The following PNPLA3 variants were observed in gnomAD, a reference collection of about 807,000 sequenced individuals.
The protein encoded by PNPLA3 is patatin like domain 3, 1-acylglycerol-3-phosphate O-acyltransferase.
PNPLA3 carries 42 observed loss-of-function variants against 43.1 expected under a neutral mutation model. The observed-to-expected ratio is 0.97, with a 90% CI of 0.76 to 1.26. PNPLA3 has a LOEUF of 1.26. Among genes scored for constraint, PNPLA3 ranks in the 50% most tolerant of loss-of-function variants. The probability of loss-of-function intolerance (pLI) is 0.00; values close to 1 mark genes in which losing one functional copy is unlikely to be tolerated. For missense variants in PNPLA3, 647 were observed against 621.4 expected, an observed-to-expected ratio of 1.04 and a Z score of -0.44; for synonymous variants, 272 against 253.6, an observed-to-expected ratio of 1.07 and a Z score of -0.69.
rs755454679 is a variant in PNPLA3, at chr22:43,923,986, G to A, written c.75G>A (p.Ala25=). Residue 25 remains alanine, a synonymous_variant, in exon 1 of 9, where the codon GCG becomes GCA. Transcript: ENST00000216180. ...TCCTGGGCTTCTACCACGTCGGGGC[G>A]ACCCGCTGCCTGAGCGAGCACGCCC... ...CGFLGFYHVG[A]TRCLSEHAPH... 7 of 1,584,828 alleles carry A rather than the reference G, an allele frequency of 4.4e-6. No individual in the cohort carries two copies. In the South Asian group the frequency reaches 4.5e-5, roughly 10 times the overall value.
chr22:43,946,487 G>T lies in PNPLA3; in HGVS notation c.*105G>T, dbSNP rs539980744. The T allele has an allele frequency of 3.5e-6, 4 of 1,133,240 alleles. No individual in the cohort carries two copies. The highest frequency in any genetic ancestry group is 3.9e-6 in the Non-Finnish European group (3 of 760,624). The allele number at this position is 1,133,240 out of a possible 1,614,324, so 70.2% of individuals were successfully genotyped here. A position where few individuals can be genotyped will look rare whatever the true frequency, so the allele number is the denominator to read the frequency against. ...CTGTGTAGTGACCCCTGCCTGTGAC[G>T]TGGAGGATCCCAGCCTCTGAGCTGA... On this transcript the variant is annotated 3_prime_UTR_variant, in exon 9 of 9. Coordinates refer to ENST00000216180, the MANE Select transcript of PNPLA3 (RefSeq NM_025225.3).
At chr22:43,926,887 C>G in intron 1 of PNPLA3, 48 bp from the exon 2 acceptor site, 2 of 1,536,526 alleles carry the variant, frequency 1.3e-6, no homozygotes, top group Non-Finnish European at 1.8e-6. Flanking sequence ...AAAAGTATTA[C>G]CATCCCAGTG....
chr22:43,940,771 T>C (rs766637086), intron 7 of PNPLA3, among the ~76,000 whole-genome samples: 1 of 152,032 alleles, frequency 6.6e-6, no homozygotes, highest in Non-Finnish European at 1.5e-5. Flanking sequence ...ATTGTACCAC[T>C]GCACTCCAGC....
In PNPLA3 at chr22:43,928,955, G is replaced by A. The variant is rs1251252462; in HGVS notation, c.486+66G>A. 4.7e-6 allele frequency: 7 copies of A among 1,480,612 alleles called. No individual in the cohort carries two copies. The Admixed American group carries it at 1.0e-4, about 21-fold the overall frequency. The allele number at this position is 1,480,612 out of a possible 1,614,324, so 91.7% of individuals were successfully genotyped here. On this transcript the variant is annotated intron_variant, in intron 3 of 8. Coordinates refer to ENST00000216180, the MANE Select transcript of PNPLA3 (RefSeq NM_025225.3). ...TCTGAAGTGTGCTCACACATCTCCT[G>A]CCTGCAGGGCACTGGTGTCGGGCAC...
chr22:43,936,113 G>A (rs1252037544), intron 5 of PNPLA3, among the ~76,000 whole-genome samples: 1 of 152,196 alleles, frequency 6.6e-6, no homozygotes, highest in African/African-American at 2.4e-5. Flanking sequence ...ATGTGCCCAT[G>A]GGTTGAGGGT....
intron 5 of PNPLA3, 67 bp from the exon 6 acceptor site, chr22:43,936,984 A>C (rs2049999366): frequency 1.5e-6 from 2 of 1,327,846 alleles, no homozygotes; most frequent in Non-Finnish European, 2.1e-6. Context: ...GCAGTTTGGT[A>C]GATGGGTGGG....
rs567409497 is a variant in PNPLA3, at chr22:43,939,429, G to A, written c.980-564G>A. 8 of 974,456 alleles carry A rather than the reference G, an allele frequency of 8.2e-6. No individual in the cohort carries two copies. In the Admixed American group the frequency reaches 4.9e-4, roughly 60 times the overall value. 60.4% of individuals were successfully genotyped at this position (974,456 alleles called of 1,614,324 possible). ...CAAACATATTTGTCAATTTAAAGGA[G>A]CTGGGAGTGGGGACCCTATGCTCCG... On this transcript the variant is annotated intron_variant, in intron 6 of 8. Transcript: ENST00000216180.
intron 3 of PNPLA3, among the ~76,000 whole-genome samples, chr22:43,931,990 C>G (rs1294934838): frequency 6.6e-6 from 1 of 152,202 alleles, no homozygotes; most frequent in African/African-American, 2.4e-5. Flanking sequence ...AGGCCAAACT[C>G]TGCTCTGAAA....
At chr22:43,939,848 C>A (rs2050019781) in intron 6 of PNPLA3, 145 bp from the exon 7 acceptor site, 23 of 1,138,896 alleles carry the variant, frequency 2.0e-5, no homozygotes, top group Non-Finnish European at 2.6e-5. Flanking sequence ...GCTTGGCAAA[C>A]CCCACCTTGT....
chr22:43,927,145 G>T lies in PNPLA3; in HGVS notation c.398G>T (p.Arg133Leu). ...GAAAACGTTCTGGTGTCTGACTTTCGGTCCAAAGACGAAGTCGTGGATGTA... is the reference window on the plus strand; with the variant it reads ...GAAAACGTTCTGGTGTCTGACTTTCTGTCCAAAGACGAAGTCGTGGATGTA... The part of the protein sequence containing the change: ...DGENVLVSDF[R>L]SKDEVVDALV... Residue 133 changes from arginine to leucine, a missense_variant, in exon 2 of 9, where the codon CGG becomes CTG. Transcript: ENST00000216180. The T allele has an allele frequency of 6.2e-7, 1 of 1,614,114 alleles. No individual in the cohort carries two copies. Among genetic ancestry groups the T allele is most frequent in the South Asian group, 1.1e-5 (1 of 91,066 alleles).
At position 43,940,147 on chromosome 22, in the gene PNPLA3, G is replaced by A. The variant is rs201680395; in HGVS notation, c.1112+22G>A. On this transcript the variant is annotated intron_variant, in intron 7 of 8. Coordinates refer to ENST00000216180, the MANE Select transcript of PNPLA3 (RefSeq NM_025225.3). ...AGAGGTGAGCATTTTAGGTGGCTCC[G>A]TGTCTTCCTCACAGGGTTGATATGA... is the stretch of plus-strand genomic sequence containing the variant. The A allele has an allele frequency of 1.1e-5, 17 of 1,609,124 alleles. No homozygotes were observed. The Admixed American group carries it at 1.7e-4, about 16-fold the overall frequency.
chr22:43,936,042 A>C (rs1179651106), intron 5 of PNPLA3, among the ~76,000 whole-genome samples: 1 of 152,138 alleles, frequency 6.6e-6, no homozygotes, highest in East Asian at 1.9e-4. Flanking sequence ...TGGGAAGAGG[A>C]AGACAGAAGA....
intron 4 of PNPLA3, 55 bp downstream of exon 4, chr22:43,933,142 C>T (rs1014098322): frequency 1.3e-6 from 2 of 1,508,126 alleles, no homozygotes; most frequent in Non-Finnish European, 1.8e-6. Context: ...CTTTGCCTCC[C>T]TGATTGCCAG....
intron 6 of PNPLA3, among the ~76,000 whole-genome samples, chr22:43,937,491 T>C (rs2050003674): frequency 6.6e-6 from 1 of 152,142 alleles, no homozygotes; most frequent in African/African-American, 2.4e-5. Context: ...TCCCTTCCCA[T>C]GGGGTCATGA....
At chr22:43,931,470 A>G (rs947463302) in intron 3 of PNPLA3, among the ~76,000 whole-genome samples, 3 of 151,800 alleles carry the variant, frequency 2.0e-5, no homozygotes, top group Admixed American at 2.0e-4. Flanking sequence ...CTTGGTCTTC[A>G]CTCCAGATTC....
At position 43,932,952 on chromosome 22, in the gene PNPLA3, C is replaced by A; in HGVS notation, c.561C>A (p.Phe187Leu). 6.2e-7 allele frequency: 1 copy of A among 1,614,132 alleles called. No individual in the cohort carries two copies. The highest frequency in any genetic ancestry group is 8.5e-7 in the Non-Finnish European group (1 of 1,179,982). The change falls in exon 4 of 9, where the codon TTC (phenylalanine) becomes TTA (leucine). Residue 187 changes from phenylalanine (F) to leucine (L), a missense_variant. Phe to Leu is a conservative substitution (Grantham distance 22). Coordinates refer to ENST00000216180, the MANE Select transcript of PNPLA3 (RefSeq NM_025225.3). ...AAACAACCATCACCGTGTCCCCCTT[C>A]TATGGGGAGTACGACATCTGCCCTA... ...DAKTTITVSP[F>L]YGEYDICPKV...
In PNPLA3 at chr22:43,936,969, T is replaced by C. The variant is rs1246393278; in HGVS notation, c.758-82T>C. 4.3e-6 allele frequency: 5 copies of C among 1,152,304 alleles called. No homozygotes were observed. The Admixed American group carries it at 9.6e-5, about 22-fold the overall frequency. 71.4% of individuals were successfully genotyped at this position (1,152,304 alleles called of 1,614,324 possible). A position where few individuals can be genotyped will look rare whatever the true frequency, so the allele number is the denominator to read the frequency against. On this transcript the variant is annotated intron_variant, in intron 5 of 8. Coordinates refer to ENST00000216180, the MANE Select transcript of PNPLA3 (RefSeq NM_025225.3). ...GCTAATAACAGGCCAGCTGCCTGCC[T>C]CCCTGCAGTTTGGTAGATGGGTGGG...
At chr22:43,940,273 T>C (rs552354116) in intron 7 of PNPLA3, 148 bp downstream of exon 7, 2 of 1,004,480 alleles carry the variant, frequency 2.0e-6, no homozygotes, top group South Asian at 3.2e-5. Context: ...CCCCTGAATG[T>C]TGCCCACCTG....
chr22:43,927,231 G>A lies in PNPLA3; in HGVS notation c.420+64G>A, dbSNP rs2049929973. Reference sequence around the variant, plus strand: ...AAGCTGTTTTGGGATGGGTGTGGTGGCTCATGCCTGTCATCCCGGCACTTT... The same window carrying A: ...AAGCTGTTTTGGGATGGGTGTGGTGACTCATGCCTGTCATCCCGGCACTTT... On this transcript the variant is annotated intron_variant, in intron 2 of 8. Coordinates refer to ENST00000216180, the MANE Select transcript of PNPLA3 (RefSeq NM_025225.3). 6.8e-6 allele frequency: 10 copies of A among 1,464,736 alleles called. No individual in the cohort carries two copies. The Admixed American group carries it at 1.4e-4, about 21-fold the overall frequency. 90.7% of individuals were successfully genotyped at this position (1,464,736 alleles called of 1,614,324 possible). A position where few individuals can be genotyped will look rare whatever the true frequency, so the allele number is the denominator to read the frequency against.
Sources: allele counts gnomAD v4.1 joint callset (sites outside exome capture counted in the v4.1 genomes callset), GRCh38; gene constraint gnomAD v4.1.1; transcripts MANE v1.5; gene names NCBI Gene and HGNC (gene_info 2026-07-23, HGNC 2026-07-21).